Variants in TAP2 observed in about 807,000 individuals in gnomAD.
TAP2 encodes the protein antigen peptide transporter 2.
In TAP2, 49 loss-of-function variants were observed where a neutral mutation model predicts 74.7. The observed-to-expected ratio is 0.66, with a 90% CI of 0.52 to 0.83. The LOEUF (loss-of-function observed/expected upper bound fraction) is 0.83, where lower values mean the gene tolerates loss of function less well. TAP2 is among the 40% of genes least tolerant of loss of function. The pLI is 0.00. For synonymous variants in TAP2, 306 were observed against 368.4 expected, an observed-to-expected ratio of 0.83 and a Z score of 1.94; for missense variants, 739 against 859.0, an observed-to-expected ratio of 0.86 and a Z score of 1.75.
At position 32,827,086 on chromosome 6, in the gene TAP2, T is replaced by C. The variant is rs1221832886; in HGVS notation, c.*1820A>G. ...GAAACTGCCCACTCTCACCCCATCC[T>C]CACTGCACCCTGCTCCCAACAGCTG... On this transcript the variant is annotated 3_prime_UTR_variant, in exon 12 of 12. Transcript: ENST00000374897. The C allele has an allele frequency of 1.0e-6, 1 of 985,586 alleles. No homozygotes were observed. Among genetic ancestry groups the C allele is most frequent in the East Asian group, 1.1e-4 (1 of 8,828 alleles). 61.1% of individuals were successfully genotyped at this position (985,586 alleles called of 1,614,324 possible).
In TAP2 at chr6:32,830,331, C is replaced by A. The variant is rs1421619062; in HGVS notation, c.1571G>T (p.Gly524Val). The change falls in exon 9 of 12, where the codon GGG (glycine) becomes GTG (valine). Residue 524 changes from glycine (G) to valine (V), a missense_variant. Coordinates refer to ENST00000374897, the MANE Select transcript of TAP2 (RefSeq NM_001290043.2). ...ALLQNLYQPTGGQVLLDEKPI... is the reference protein window; with the variant it reads ...ALLQNLYQPTVGQVLLDEKPI... ...CTTTTCATCCAGCAGCACCTGTCCC[C>A]CTGTGGGCTGGTACAGATTCTGCAG... 6.2e-7 allele frequency: 1 copy of A among 1,613,004 alleles called. No homozygotes were observed. Among genetic ancestry groups the A allele is most frequent in the East Asian group, 2.2e-5 (1 of 44,902 alleles).
rs1181169001 is a variant in TAP2, at chr6:32,838,152, C to T, written c.82G>A (p.Gly28Arg). Residue 28 changes from glycine to arginine, a missense_variant, in exon 2 of 12, where the codon GGG becomes AGG. Gly to Arg is a moderately radical substitution (Grantham distance 125). Coordinates refer to ENST00000374897, the MANE Select transcript of TAP2 (RefSeq NM_001290043.2). The stretch of plus-strand genomic sequence containing the variant: ...GGCAGCCCTTGAGGAAGCAAAGTCC[C>T]CAGAGGGCCCTGAAGCAGCCACAGT... ...ALLWLLQGPL[G>R]TLLPQGLPGL... 1 of 1,604,982 alleles carries T rather than the reference C, an allele frequency of 6.2e-7. No individual in the cohort carries two copies. The highest frequency in any genetic ancestry group is 8.5e-7 in the Non-Finnish European group (1 of 1,175,234).
In TAP2 at chr6:32,832,523, T is replaced by C; in HGVS notation, c.1144-62A>G. 1.9e-6 allele frequency: 3 copies of C among 1,611,376 alleles called. No homozygotes were observed. The highest frequency in any genetic ancestry group is 2.5e-6 in the Non-Finnish European group (3 of 1,179,244). Reference sequence around the variant, plus strand: ...TTCCCATTCTTTCCCCCTCTCTGCCTCTATGAGACTGAGCTGCAAAGGCCT... The same window carrying C: ...TTCCCATTCTTTCCCCCTCTCTGCCCCTATGAGACTGAGCTGCAAAGGCCT... On this transcript the variant is annotated intron_variant, in intron 6 of 11. Transcript: ENST00000374897. The surrounding 1 kb of genome is among the most constrained non-coding windows in gnomAD (Gnocchi z 5.9).
downstream of TAP2, chr6:32,822,404 G>T: frequency 3.4e-6 from 3 of 878,846 alleles, no homozygotes; most frequent in Non-Finnish European, 3.5e-6. Flanking sequence ...GTTTTATTTA[G>T]GATTTTTGTG....
chr6:32,838,329 A>G, intron 1 of TAP2, 92 bp from the exon 2 acceptor site: 1 of 1,451,786 alleles, frequency 6.9e-7, no homozygotes, highest in South Asian at 1.5e-5. Context: ...TAACCCGTCC[A>G]TCGGCTTCTC....
In TAP2 at chr6:32,828,674, AG is replaced by A. The variant is rs1188784980; in HGVS notation, c.*231del. ...GGAATTAAGTTTCCTGGACACAGAC[AG>A]CCCCCACCCCACCCCACCCCACCTC... On this transcript the variant is annotated 3_prime_UTR_variant, in exon 12 of 12. Coordinates refer to ENST00000374897, the MANE Select transcript of TAP2 (RefSeq NM_001290043.2). The A allele has an allele frequency of 1.5e-5, 14 of 921,974 alleles. No homozygotes were observed. Among genetic ancestry groups the A allele is most frequent in the Non-Finnish European group, 1.8e-5 (14 of 765,358 alleles). The allele number at this position is 921,974 out of a possible 1,614,324, so 57.1% of individuals were successfully genotyped here. A position where few individuals can be genotyped will look rare whatever the true frequency, so the allele number is the denominator to read the frequency against.
chr6:32,836,294 T>A (rs1232148057), intron 3 of TAP2, among the ~76,000 whole-genome samples: 1 of 152,232 alleles, frequency 6.6e-6, no homozygotes, highest in Non-Finnish European at 1.5e-5. Context: ...TTCCCATCTT[T>A]CATCCTTCGA....
In TAP2 at chr6:32,827,514, A is replaced by G; in HGVS notation, c.*1392T>C. 3.2e-6 allele frequency: 1 copy of G among 315,666 alleles called. No individual in the cohort carries two copies. Among genetic ancestry groups the G allele is most frequent in the South Asian group, 1.3e-4 (1 of 7,598 alleles). The allele number at this position is 315,666 out of a possible 1,614,324, so 19.6% of individuals were successfully genotyped here. A position where few individuals can be genotyped will look rare whatever the true frequency, so the allele number is the denominator to read the frequency against. On this transcript the variant is annotated 3_prime_UTR_variant, in exon 12 of 12. Transcript: ENST00000374897. ...CTGTGAAAGAGGTAACCGCACAGTG[A>G]TAGAAGCACATGGAGAGTTCCCCAG...
rs539084673 is a variant in TAP2, at chr6:32,828,199, A to T, written c.*707T>A. 1.4e-4 allele frequency: 134 copies of T among 933,084 alleles called. No individual in the cohort carries two copies. Among genetic ancestry groups the T allele is most frequent in the Middle Eastern group, 1.1e-3 (2 of 1,812 alleles). The allele number at this position is 933,084 out of a possible 1,614,324, so 57.8% of individuals were successfully genotyped here. ...CCTCATAGGGTTGGGGATAATGATTAAAAACGATAATACATGAAAAACACT... is the reference window on the plus strand; with the variant it reads ...CCTCATAGGGTTGGGGATAATGATTTAAAACGATAATACATGAAAAACACT... On this transcript the variant is annotated 3_prime_UTR_variant, in exon 12 of 12. Coordinates refer to ENST00000374897, the MANE Select transcript of TAP2 (RefSeq NM_001290043.2).
chr6:32,834,416 G>A (rs1188757798), intron 5 of TAP2, among the ~76,000 whole-genome samples: 2 of 152,300 alleles, frequency 1.3e-5, no homozygotes, highest in South Asian at 4.1e-4. Context: ...TTCCACTTAC[G>A]TACCGCACCG....
chr6:32,828,675 G>GCCTCCCCCC lies in TAP2; in HGVS notation c.*230_*231insGGGGGGAGG. The GCCTCCCCCC allele has an allele frequency of 3.4e-6, 3 of 884,280 alleles. No individual in the cohort carries two copies. Among genetic ancestry groups the GCCTCCCCCC allele is most frequent in the Non-Finnish European group, 2.7e-6 (2 of 735,240 alleles). 54.8% of individuals were successfully genotyped at this position (884,280 alleles called of 1,614,324 possible). ...GAATTAAGTTTCCTGGACACAGACA[G>GCCTCCCCCC]CCCCCACCCCACCCCACCCCACCTC... On this transcript the variant is annotated 3_prime_UTR_variant, in exon 12 of 12. Coordinates refer to ENST00000374897, the MANE Select transcript of TAP2 (RefSeq NM_001290043.2).
chr6:32,828,917 C>T lies in TAP2; in HGVS notation c.2050G>A (p.Ala684Thr). Residue 684 changes from alanine (A) to threonine (T), a missense_variant, in exon 12 of 12, where the codon GCC becomes ACC. By Grantham distance (58) the Ala-to-Thr change is moderately conservative (BLOSUM62 0). Coordinates refer to ENST00000374897, the MANE Select transcript of TAP2 (RefSeq NM_001290043.2). ...AGGTCCTGTCCCTCCTAGAGCTGGG[C>T]AAGCTTCTGCAGCTTGCCCTCCTGG... ...VLQEGKLQKLAQL is the reference protein window; with the variant it reads ...VLQEGKLQKLTQL The T allele has an allele frequency of 6.5e-7, 1 of 1,545,220 alleles. No homozygotes were observed. The highest frequency in any genetic ancestry group is 8.7e-7 in the Non-Finnish European group (1 of 1,144,852).
rs2228396 is a variant in TAP2, at chr6:32,830,032, C to T, written c.1693G>A (p.Ala565Thr). ...LFSGSVRNNI[A>T]YGLQSCEDDK... The stretch of plus-strand genomic sequence containing the variant: ...TCTTCGCAGCTCTGCAGCCCATAAG[C>T]AATGTTGTTCCTCACAGAACCGGAG... The change falls in exon 10 of 12, where the codon GCT (alanine) becomes ACT (threonine). Residue 565 changes from alanine (A) to threonine (T), a missense_variant. Physicochemically the swap from Ala to Thr is moderately conservative, Grantham distance 58 (BLOSUM62 0). Transcript: ENST00000374897. 0.089 allele frequency: 144,332 copies of T among 1,613,076 alleles called. 7,097 individuals carry two copies. The highest frequency in any genetic ancestry group is 0.12 in the African/African-American group (8,897 of 75,006).
intron 3 of TAP2, among the ~76,000 whole-genome samples, chr6:32,837,306 T>C (rs1219057413): frequency 1.3e-5 from 2 of 152,236 alleles, no homozygotes; most frequent in African/African-American, 4.8e-5. Flanking sequence ...CTACCTTCAC[T>C]CATAACTTGT....
Position 32,825,997 on chromosome 6 carries a change from C to T in TAP2, c.*2909G>A, listed in dbSNP as rs201337673. Reference sequence around the variant, plus strand: ...GTGAATGCTTAGTAGTAGTAGTAGTCTAATTCCTAAGAGTCCATGGAACTC... The same window carrying T: ...GTGAATGCTTAGTAGTAGTAGTAGTTTAATTCCTAAGAGTCCATGGAACTC... On this transcript the variant is annotated 3_prime_UTR_variant, in exon 12 of 12. Coordinates refer to ENST00000374897, the MANE Select transcript of TAP2 (RefSeq NM_001290043.2). 9 of 930,038 alleles carry T rather than the reference C, an allele frequency of 9.7e-6. No individual in the cohort carries two copies. Among genetic ancestry groups the T allele is most frequent in the Non-Finnish European group, 1.1e-5 (9 of 797,544 alleles). 57.6% of individuals were successfully genotyped at this position (930,038 alleles called of 1,614,324 possible).
rs984499339 is a variant in TAP2, at chr6:32,827,506, G to C, written c.*1400C>G. 11 of 340,466 alleles carry C rather than the reference G, an allele frequency of 3.2e-5. No homozygotes were observed. Among genetic ancestry groups the C allele is most frequent in the Non-Finnish European group, 4.6e-5 (11 of 240,882 alleles). The allele number at this position is 340,466 out of a possible 1,614,324, so 21.1% of individuals were successfully genotyped here. A position where few individuals can be genotyped will look rare whatever the true frequency, so the allele number is the denominator to read the frequency against. ...TAAAAGGGCTGTGAAAGAGGTAACC[G>C]CACAGTGATAGAAGCACATGGAGAG... On this transcript the variant is annotated 3_prime_UTR_variant, in exon 12 of 12. Transcript: ENST00000374897.
At position 32,832,509 on chromosome 6, in the gene TAP2, T is replaced by TC; in HGVS notation, c.1144-49dup. On this transcript the variant is annotated intron_variant, in intron 6 of 11. Transcript: ENST00000374897. The surrounding 1 kb of genome is among the most constrained non-coding windows in gnomAD (Gnocchi z 5.9). ...TGAGGCTGGGAATCTTCCCATTCTT[T>TC]CCCCCTCTCTGCCTCTATGAGACTG... 1 of 1,610,774 alleles carries TC rather than the reference T, an allele frequency of 6.2e-7. No homozygotes were observed. Among genetic ancestry groups the TC allele is most frequent in the South Asian group, 1.1e-5 (1 of 90,816 alleles).
intron 5 of TAP2, among the ~76,000 whole-genome samples, chr6:32,834,073 T>G (rs892554373): frequency 1.3e-5 from 2 of 152,224 alleles, no homozygotes; most frequent in Non-Finnish European, 2.9e-5. Context: ...AAAAATGGAC[T>G]AATACATGGT....
At chr6:32,822,347 T>A (rs776439884), downstream of TAP2, 1 of 1,386,432 alleles carries the variant, frequency 7.2e-7, no homozygotes, top group East Asian at 2.4e-5. Context: ...AAAAACCCCT[T>A]GATCTTAATG....
Sources: gnomAD v4.1 joint callset for allele counts (sites outside exome capture counted in the v4.1 genomes callset) on GRCh38, gnomAD v4.1.1 for gene constraint, Gnocchi (gnomAD v3.1) non-coding constraint, MANE v1.5 for transcripts, NCBI Gene and HGNC (gene_info 2026-07-23, HGNC 2026-07-21) for gene names.